Variants in SMIM23 observed in about 807,000 individuals in gnomAD.
SMIM23 encodes small integral membrane protein 23.
Under a neutral mutation model 12.8 loss-of-function variants are expected in SMIM23, and 10 were observed. The ratio of observed to expected loss-of-function variants is 0.78; its 90% CI spans 0.48 to 1.32. The LOEUF is 1.32. Among genes scored for constraint, SMIM23 ranks in the 40% most tolerant of loss-of-function variants. The probability of loss-of-function intolerance (pLI) is 0.00; values close to 1 mark genes in which losing one functional copy is unlikely to be tolerated. For synonymous variants in SMIM23, 78 were observed against 80.1 expected, an observed-to-expected ratio of 0.97 and a Z score of 0.14; for missense variants, 184 against 198.2, an observed-to-expected ratio of 0.93 and a Z score of 0.43.
At chr5:171,789,936 A>C (rs1039905145) in intron 1 of SMIM23, among the ~76,000 whole-genome samples, 5 of 152,254 alleles carry the variant, frequency 3.3e-5, no homozygotes, top group African/African-American at 1.2e-4. Flanking sequence ...GCGTTTTATT[A>C]TATGTAAATT....
At chr5:171,773,974 A>C in the SMIM23 span, 3 of 390,970 alleles carry the variant, frequency 7.7e-6, no homozygotes, top group Non-Finnish European at 1.5e-5. Context: ...TAGAATTTAC[A>C]TACGCCATTT....
At position 171,790,513 on chromosome 5, in the gene SMIM23, A is replaced by T; in HGVS notation, c.189A>T (p.Arg63Ser). ...GSSWEVSERI[R>S]ECNYYQNLAV... ...GTTGGGAGGTGTCAGAAAGGATCAG[A>T]GAATGTAACTACTACCAGAATCTTG... The change falls in exon 3 of 4, where the codon AGA (arginine) becomes AGT (serine). Residue 63 changes from arginine (R) to serine (S), a missense_variant. By Grantham distance (110) the Arg-to-Ser change is moderately radical. Coordinates refer to ENST00000523047, the MANE Select transcript of SMIM23 (RefSeq NM_001289970.2). 7 of 1,536,778 alleles carry T rather than the reference A, an allele frequency of 4.6e-6. No individual in the cohort carries two copies. The highest frequency in any genetic ancestry group is 6.1e-6 in the Non-Finnish European group (7 of 1,147,062).
intron 1 of SMIM23, among the ~76,000 whole-genome samples, chr5:171,789,850 A>T (rs1312668042): frequency 6.6e-6 from 1 of 152,194 alleles, no homozygotes; most frequent in Admixed American, 6.5e-5. Flanking sequence ...CTACATCTTG[A>T]TTGGGGTGAT....
chr5:171,778,929 C>T (rs1243168804), upstream of SMIM23, among the ~76,000 whole-genome samples: 1 of 152,114 alleles, frequency 6.6e-6, no homozygotes, highest in East Asian at 1.9e-4. Flanking sequence ...TCAGCCTTCC[C>T]ATCAAATTCA....
At chr5:171,783,617 AG>A (rs113550220), upstream of SMIM23, among the ~76,000 whole-genome samples, 12,555 of 152,282 alleles carry the variant, frequency 0.082, 700 homozygotes, top group Non-Finnish European at 0.11. Flanking sequence ...AAACAAAAAT[AG>A]GAGAAAATCT....
At chr5:171,785,677 C>T (rs1035479506), upstream of SMIM23, among the ~76,000 whole-genome samples, 13 of 152,188 alleles carry the variant, frequency 8.5e-5, no homozygotes, top group Non-Finnish European at 1.8e-4. Flanking sequence ...TTGTTTTCTA[C>T]ACTCATGTGA....
intron 1 of SMIM23, among the ~76,000 whole-genome samples, chr5:171,787,230 G>C (rs1354518584): frequency 6.6e-6 from 1 of 152,002 alleles, no homozygotes; most frequent in Non-Finnish European, 1.5e-5. Context: ...ATATTGGCCA[G>C]GCTGGTCTCG....
chr5:171,779,295 C>T (rs951107210), upstream of SMIM23, among the ~76,000 whole-genome samples: 3 of 152,214 alleles, frequency 2.0e-5, no homozygotes, highest in East Asian at 3.8e-4. Flanking sequence ...TCTGGACACA[C>T]GTGTTATGAT....
At chr5:171,776,109 G>C in the SMIM23 span, among the ~76,000 whole-genome samples, 6 of 152,212 alleles carry the variant, frequency 3.9e-5, no homozygotes, top group African/African-American at 1.4e-4. Context: ...GACCTCAGGT[G>C]ATCCACCCGC....
the SMIM23 span, among the ~76,000 whole-genome samples, chr5:171,772,812 C>T: frequency 9.8e-5 from 15 of 152,314 alleles, no homozygotes; most frequent in South Asian, 2.9e-3. Flanking sequence ...TTTTAAAAAT[C>T]TGAACTGTGG....
upstream of SMIM23, among the ~76,000 whole-genome samples, chr5:171,785,549 C>G (rs1441331405): frequency 2.6e-5 from 4 of 152,080 alleles, no homozygotes. Context: ...TGCACCCAAA[C>G]TATTGTTTTT....
chr5:171,790,375 T>C (rs1755899594), intron 2 of SMIM23, 94 bp downstream of exon 2: 1 of 1,502,724 alleles, frequency 6.7e-7, no homozygotes, highest in African/African-American at 1.4e-5. Flanking sequence ...GGGACCTCCA[T>C]AACCCACCTT....
upstream of SMIM23, among the ~76,000 whole-genome samples, chr5:171,784,538 T>C (rs1013958854): frequency 4.0e-5 from 6 of 148,266 alleles, no homozygotes; most frequent in Admixed American, 3.4e-4. Flanking sequence ...TAAACAGATA[T>C]TGGTGGGGAT....
chr5:171,783,923 T>A (rs1561589719), upstream of SMIM23, among the ~76,000 whole-genome samples: 1 of 151,948 alleles, frequency 6.6e-6, no homozygotes, highest in Non-Finnish European at 1.5e-5. Flanking sequence ...GAGGAAGGGG[T>A]GCAGATGGCA....
intron 1 of SMIM23, 85 bp from the exon 2 acceptor site, chr5:171,790,145 G>A: frequency 1.5e-6 from 2 of 1,336,640 alleles, no homozygotes; most frequent in Non-Finnish European, 2.1e-6. Flanking sequence ...GCATTCCCAT[G>A]TCTGGCCCTT....
intron 1 of SMIM23, among the ~76,000 whole-genome samples, chr5:171,788,191 C>G (rs1755853830): frequency 6.6e-6 from 1 of 151,006 alleles, no homozygotes; most frequent in South Asian, 2.1e-4. Flanking sequence ...CACACACACA[C>G]ACACACATAT....
chr5:171,784,826 A>G (rs1755786043), upstream of SMIM23, among the ~76,000 whole-genome samples: 2 of 152,226 alleles, frequency 1.3e-5, no homozygotes, highest in Admixed American at 6.5e-5. Context: ...GCATACACAT[A>G]TCACAAAATA....
At chr5:171,785,070 G>A (rs541556846), upstream of SMIM23, among the ~76,000 whole-genome samples, 32 of 152,288 alleles carry the variant, frequency 2.1e-4, no homozygotes, top group African/African-American at 7.7e-4. Flanking sequence ...TCACGAAGCA[G>A]CACAAAGCCC....
the SMIM23 span, among the ~76,000 whole-genome samples, chr5:171,775,194 G>A: frequency 6.6e-6 from 1 of 152,140 alleles, no homozygotes; most frequent in African/African-American, 2.4e-5. Flanking sequence ...CCCTCTAACA[G>A]GGTCTTCCCA....
Sources: allele counts gnomAD v4.1 joint callset (sites outside exome capture counted in the v4.1 genomes callset), GRCh38; gene constraint gnomAD v4.1.1; transcripts MANE v1.5; gene names NCBI Gene and HGNC (gene_info 2026-07-23, HGNC 2026-07-21).